Variants in CHRND observed in about 807,000 individuals in gnomAD.
CHRND encodes the protein cholinergic receptor nicotinic delta subunit.
In CHRND, 40 loss-of-function variants were observed where a neutral mutation model predicts 57.8. The observed-to-expected ratio is 0.69, with a 90% CI of 0.54 to 0.90. CHRND has a LOEUF of 0.90. Among genes scored for constraint, CHRND ranks in the 40% least tolerant of loss-of-function variants. CHRND has a pLI of 0.00. For synonymous variants in CHRND, 237 were observed against 270.6 expected (o/e 0.88, Z 1.22); for missense variants, 634 against 673.9 (o/e 0.94, Z 0.66).
Position 232,530,132 on chromosome 2 carries a change from G to A in CHRND, c.813G>A (p.Pro271=), listed in dbSNP as rs147073853. The stretch of plus-strand genomic sequence containing the variant: ...TGGTCAACCTGGTCTTCTACCTACC[G>A]GCTGACAGTGAGCCTCCAGGCCCCG... ...SFMVNLVFYL[P]ADSGEKTSVA... The change falls in exon 7 of 12, where the codon CCG becomes CCA. Residue 271 remains proline (P), a synonymous_variant. Transcript: ENST00000258385. 98 of 1,613,946 alleles carry A rather than the reference G, an allele frequency of 6.1e-5. 1 individual carries two copies. In the African/African-American group the frequency reaches 1.1e-3, roughly 18 times the overall value.
At chr2:232,526,857 G>A (rs1041276265) in intron 2 of CHRND, among the ~76,000 whole-genome samples, 183 bp downstream of exon 2, 4 of 152,142 alleles carry the variant, frequency 2.6e-5, no homozygotes, top group African/African-American at 4.8e-5. Flanking sequence ...TCAGCTCTGC[G>A]GTGTCCCCCA....
chr2:232,534,756 C>G (rs538158656), intron 11 of CHRND, among the ~76,000 whole-genome samples: 16 of 152,334 alleles, frequency 1.1e-4, no homozygotes, highest in African/African-American at 3.8e-4. Flanking sequence ...GCACCTTTTC[C>G]CAGTTCACAT....
chr2:232,527,341 A>G, intron 2 of CHRND, 60 bp from the exon 3 acceptor site: 2 of 1,312,768 alleles, frequency 1.5e-6, no homozygotes, highest in Non-Finnish European at 2.2e-6. Context: ...AGAGTGGGTG[A>G]ATGTGTGCGG....
chr2:232,528,879 C>G lies in CHRND; in HGVS notation c.527C>G (p.Ala176Gly), dbSNP rs1313116894. 1.9e-6 allele frequency: 3 copies of G among 1,613,966 alleles called. No homozygotes were observed. The highest frequency in any genetic ancestry group is 1.7e-6 in the Non-Finnish European group (2 of 1,179,946). ...SLKFSSLKYT[A>G]KEITLSLKQD... ...CTCCCCAGTTCCCTCAAGTATACGG[C>G]CAAAGAGATCACCCTGAGCCTGAAA... The change falls in exon 6 of 12, where the codon GCC (alanine) becomes GGC (glycine). Residue 176 changes from alanine to glycine, a missense_variant. Coordinates refer to ENST00000258385, the MANE Select transcript of CHRND (RefSeq NM_000751.3).
At position 232,536,629 on chromosome 2, in the gene CHRND, C is replaced by A; in HGVS notation, c.*1317C>A. On this transcript the variant is annotated 3_prime_UTR_variant, in exon 12 of 12. Transcript: ENST00000258385. The stretch of plus-strand genomic sequence containing the variant: ...CTCCTGGATTCCTGACCCCCAGAAA[C>A]TGTGTGAGATAATAAATGTGTGTTG... The A allele has an allele frequency of 2.7e-6, 1 of 363,834 alleles. No homozygotes were observed. Among genetic ancestry groups the A allele is most frequent in the South Asian group, 2.1e-5 (1 of 48,738 alleles). 22.5% of individuals were successfully genotyped at this position (363,834 alleles called of 1,614,324 possible).
chr2:232,527,508 G>C, intron 3 of CHRND, 63 bp downstream of exon 3: 1 of 1,240,802 alleles, frequency 8.1e-7, no homozygotes, highest in Non-Finnish European at 1.2e-6. Flanking sequence ...ACTTTGGAAG[G>C]CCGAGGGGGG....
At chr2:232,531,773 ACCCC>A in intron 9 of CHRND, 117 bp downstream of exon 9, 1 of 806,186 alleles carries the variant, frequency 1.2e-6, no homozygotes, top group Non-Finnish European at 2.1e-6. Context: ...ACATAGAGAC[ACCCC>A]TGTCTCTATA....
Position 232,535,352 on chromosome 2 carries a change from G to C in CHRND, c.*40G>C, listed in dbSNP as rs780535749. ...GGAGCCAGGAGACAGCAGGGTCTGA[G>C]AGAGGAGCCACAGTCCCTAATGACA... On this transcript the variant is annotated 3_prime_UTR_variant, in exon 12 of 12. Coordinates refer to ENST00000258385, the MANE Select transcript of CHRND (RefSeq NM_000751.3). 3.7e-6 allele frequency: 6 copies of C among 1,606,366 alleles called. No homozygotes were observed. Among genetic ancestry groups the C allele is most frequent in the Non-Finnish European group, 5.1e-6 (6 of 1,178,940 alleles).
Position 232,529,717 on chromosome 2 carries a change from G to T in CHRND, c.620-222G>T, listed in dbSNP as rs544462912. On this transcript the variant is annotated intron_variant, in intron 6 of 11. Coordinates refer to ENST00000258385, the MANE Select transcript of CHRND (RefSeq NM_000751.3). ...TATGGCCTCAGCTTCTATTTTTTCC[G>T]AAAAGATAAAAAAGAAATCAGTCAC... is the stretch of plus-strand genomic sequence containing the variant. Among the ~76,000 whole-genome samples the T allele has an allele frequency of 1.1e-4, 16 of 152,078 alleles. No individual in the cohort carries two copies. In the South Asian group the frequency reaches 3.1e-3, roughly 30 times the overall value.
At chr2:232,530,470 G>A (rs553745045) in intron 7 of CHRND, among the ~76,000 whole-genome samples, 129 of 152,354 alleles carry the variant, frequency 8.5e-4, no homozygotes, top group Non-Finnish European at 1.4e-3. Context: ...GCACACAGGA[G>A]GCCCTCAACT....
intron 9 of CHRND, 148 bp from the exon 10 acceptor site, chr2:232,533,783 C>G: frequency 1.2e-6 from 1 of 803,832 alleles, no homozygotes; most frequent in South Asian, 1.4e-5. Context: ...GAGACTGAGG[C>G]AAGAAATCAC....
In CHRND at chr2:232,531,604, A is replaced by G. The variant is rs1469148481; in HGVS notation, c.995A>G (p.Asn332Ser). 1 of 1,613,992 alleles carries G rather than the reference A, an allele frequency of 6.2e-7. No homozygotes were observed. The highest frequency in any genetic ancestry group is 8.5e-7 in the Non-Finnish European group (1 of 1,180,032). Residue 332 changes from asparagine to serine, a missense_variant, in exon 9 of 12, where the codon AAC (asparagine) becomes AGC (serine). Coordinates refer to ENST00000258385, the MANE Select transcript of CHRND (RefSeq NM_000751.3). ...MVVVICVIVL[N>S]IHFRTPSTHV... ...GTGGTGATCTGTGTCATCGTGCTCA[A>G]CATCCACTTCCGAACACCCAGCACC... is the stretch of plus-strand genomic sequence containing the variant.
chr2:232,536,144 A>C lies in CHRND; in HGVS notation c.*832A>C, dbSNP rs1031998007. On this transcript the variant is annotated 3_prime_UTR_variant, in exon 12 of 12. Transcript: ENST00000258385. ...GCAGCCTCCACTCAATCTTATCCTGAGGGCCAAAGGCCAAGGCTGCAGGAA... is the reference window on the plus strand; with the variant it reads ...GCAGCCTCCACTCAATCTTATCCTGCGGGCCAAAGGCCAAGGCTGCAGGAA... The C allele has an allele frequency of 4.4e-6, 2 of 454,158 alleles. No homozygotes were observed. Among genetic ancestry groups the C allele is most frequent in the Admixed American group, 4.7e-5 (2 of 42,588 alleles). The allele number at this position is 454,158 out of a possible 1,614,324, so 28.1% of individuals were successfully genotyped here. A position where few individuals can be genotyped will look rare whatever the true frequency, so the allele number is the denominator to read the frequency against.
rs772358209 is a variant in CHRND at position 232,527,364 on chromosome 2, T to TATGGCCCTGAAGG, written c.199-28_199-16dup. 2.4e-5 allele frequency: 37 copies of TATGGCCCTGAAGG among 1,549,014 alleles called. No homozygotes were observed. In the East Asian group the frequency reaches 7.0e-4, roughly 29 times the overall value. ...TGAATGTGTGCGGATAAAAGAATGA[T>TATGGCCCTGAAGG]ATGGCCCTGAAGGATGGCCCTACCG... On this transcript the variant is annotated intron_variant, in intron 2 of 11. Transcript: ENST00000258385.
At position 232,534,227 on chromosome 2, in the gene CHRND, G is replaced by A. The variant is rs564930869; in HGVS notation, c.1256G>A (p.Arg419Gln). The part of the protein sequence containing the change: ...GLARRLTTAR[R>Q]PPASSEQAQQ... ...CACTCTGGCCCCTCGTCTGTAGGCC[G>A]GCCCCCAGCAAGCTCTGAGCAGGCC... is the stretch of plus-strand genomic sequence containing the variant. Residue 419 changes from arginine to glutamine, a missense_variant, in exon 11 of 12, where the codon CGG becomes CAG. By Grantham distance (43) the Arg-to-Gln change is conservative. Coordinates refer to ENST00000258385, the MANE Select transcript of CHRND (RefSeq NM_000751.3). 73 of 1,614,030 alleles carry A rather than the reference G, an allele frequency of 4.5e-5. No individual in the cohort carries two copies. The highest frequency in any genetic ancestry group is 1.8e-4 in the Admixed American group (11 of 60,008).
Position 232,528,910 on chromosome 2 carries a change from T to A in CHRND, c.558T>A (p.Asp186Glu), listed in dbSNP as rs779732569. 3 of 1,613,954 alleles carry A rather than the reference T, an allele frequency of 1.9e-6. No homozygotes were observed. The African/African-American group carries it at 4.0e-5, about 22-fold the overall frequency. Residue 186 changes from aspartate to glutamate, a missense_variant, in exon 6 of 12, where the codon GAT becomes GAA. Transcript: ENST00000258385. ...AKEITLSLKQ[D>E]AKENRTYPVE... Reference sequence around the variant, plus strand: ...AGATCACCCTGAGCCTGAAACAGGATGCCAAGGAGAACCGCACCTACCCCG... The same window carrying A: ...AGATCACCCTGAGCCTGAAACAGGAAGCCAAGGAGAACCGCACCTACCCCG...
chr2:232,527,596 T>G, intron 3 of CHRND, 151 bp downstream of exon 3: 1 of 659,174 alleles, frequency 1.5e-6, no homozygotes, highest in Non-Finnish European at 2.7e-6. Context: ...TACAAAAAAT[T>G]AGCTTGGTGT....
chr2:232,535,603 G>T lies in CHRND; in HGVS notation c.*291G>T, dbSNP rs1397146599. ...AGGAGGCCACTCAGGGTGGCCTCAG[G>T]GGGAGAGCTCTGATAGGGGTGAGAC... On this transcript the variant is annotated 3_prime_UTR_variant, in exon 12 of 12. Coordinates refer to ENST00000258385, the MANE Select transcript of CHRND (RefSeq NM_000751.3). 1 of 602,408 alleles carries T rather than the reference G, an allele frequency of 1.7e-6. No individual in the cohort carries two copies. The highest frequency in any genetic ancestry group is 3.1e-6 in the Non-Finnish European group (1 of 323,094). The allele number at this position is 602,408 out of a possible 1,614,324, so 37.3% of individuals were successfully genotyped here. A position where few individuals can be genotyped will look rare whatever the true frequency, so the allele number is the denominator to read the frequency against.
chr2:232,534,305 T>C lies in CHRND; in HGVS notation c.1334T>C (p.Ile445Thr), dbSNP rs573680102. 32 of 1,614,098 alleles carry C rather than the reference T, an allele frequency of 2.0e-5. No individual in the cohort carries two copies. The highest frequency in any genetic ancestry group is 3.3e-5 in the South Asian group (3 of 91,088). Residue 445 changes from isoleucine (I) to threonine (T), a missense_variant, in exon 11 of 12, where the codon ATT (isoleucine) becomes ACT (threonine). Ile to Thr is a moderately conservative substitution (Grantham distance 89). Transcript: ENST00000258385. ...LKPAVDGANF[I>T]VNHMRDQNNY... ...CCAGCTGTGGATGGGGCAAACTTCA[T>C]TGTTAACCACATGAGGGACCAGAAC...
Sources: allele counts gnomAD v4.1 joint callset (sites outside exome capture counted in the v4.1 genomes callset), GRCh38; gene constraint gnomAD v4.1.1; transcripts MANE v1.5; gene names NCBI Gene and HGNC (gene_info 2026-07-23, HGNC 2026-07-21).